The following DGKB variants were observed in gnomAD, a reference collection of about 807,000 sequenced individuals.
The protein encoded by DGKB is diacylglycerol kinase beta, also known as 90 kDa diacylglycerol kinase.
A neutral mutation model predicts 114.3 loss-of-function variants in DGKB; 67 were observed. The observed-to-expected ratio is 0.59, with a 90% confidence interval of 0.48 to 0.72. The LOEUF is 0.72. DGKB is among the 30% of genes least tolerant of loss of function. The pLI is 0.00. For synonymous variants in DGKB, 398 were observed against 323.1 expected, an observed-to-expected ratio of 1.23 and a Z score of -2.49; for missense variants, 907 against 975.2, an observed-to-expected ratio of 0.93 and a Z score of 0.93.
chr7:14,719,186 C>T (rs1370666026), intron 5 of DGKB, among the ~76,000 whole-genome samples: 1 of 152,098 alleles, frequency 6.6e-6, no homozygotes, highest in East Asian at 1.9e-4. Context: ...ATGAAGAAGA[C>T]ATCCTTTTTT....
chr7:14,860,162 C>T (rs899613149), intron 1 of DGKB, among the ~76,000 whole-genome samples: 5 of 152,046 alleles, frequency 3.3e-5, no homozygotes, highest in Admixed American at 1.3e-4. Flanking sequence ...TCAATACTGT[C>T]TTTGACTAAA....
chr7:14,932,641 G>C (rs569692477), intron 1 of DGKB, among the ~76,000 whole-genome samples: 1 of 152,262 alleles, frequency 6.6e-6, no homozygotes, highest in South Asian at 2.1e-4. Flanking sequence ...CATCATGCTA[G>C]GAATTTCAAA....
At chr7:14,606,111 G>A (rs1804458298) in intron 17 of DGKB, among the ~76,000 whole-genome samples, 4 of 152,224 alleles carry the variant, frequency 2.6e-5, no homozygotes, top group Admixed American at 6.5e-5. Flanking sequence ...TCAAAGAAGA[G>A]CTACTTTTTT....
intron 21 of DGKB, among the ~76,000 whole-genome samples, chr7:14,373,526 C>G (rs988594127): frequency 2.6e-5 from 4 of 152,146 alleles, no homozygotes; most frequent in Admixed American, 2.6e-4. Context: ...AAATGCTAGT[C>G]TCATCAAAGC....
At chr7:14,801,885 T>C (rs1842197944) in intron 2 of DGKB, among the ~76,000 whole-genome samples, 1 of 150,452 alleles carries the variant, frequency 6.6e-6, no homozygotes, top group Non-Finnish European at 1.5e-5. Context: ...TATGTGTGTG[T>C]GTATATATAT....
chr7:14,419,927 C>T (rs1192465640), intron 21 of DGKB, among the ~76,000 whole-genome samples: 1 of 151,950 alleles, frequency 6.6e-6, no homozygotes, highest in Non-Finnish European at 1.5e-5. Context: ...TTGTGTCTGG[C>T]TGGTATTTGG....
intron 21 of DGKB, among the ~76,000 whole-genome samples, chr7:14,374,303 G>C (rs1026353123): frequency 2.6e-5 from 4 of 152,058 alleles, no homozygotes; most frequent in African/African-American, 9.7e-5. Flanking sequence ...CGATGAAGTG[G>C]ACCTGACAGC....
intron 14 of DGKB, among the ~76,000 whole-genome samples, chr7:14,629,080 T>C (rs1325408971): frequency 6.6e-6 from 1 of 152,026 alleles, no homozygotes; most frequent in Non-Finnish European, 1.5e-5. Flanking sequence ...GCAATGCCTA[T>C]ATTTGCTTGA....
intron 13 of DGKB, among the ~76,000 whole-genome samples, chr7:14,635,705 G>A (rs1353201257): frequency 6.6e-6 from 1 of 151,478 alleles, no homozygotes; most frequent in Admixed American, 6.6e-5. Flanking sequence ...ATGTGATTAT[G>A]TTTGTGTATG....
intron 10 of DGKB, 125 bp downstream of exon 10, chr7:14,685,120 T>TA (rs1821454357): frequency 3.8e-6 from 2 of 519,526 alleles, no homozygotes; most frequent in Non-Finnish European, 6.6e-6. Flanking sequence ...CAGGAAAATA[T>TA]AAATCACATG....
At chr7:14,512,363 T>C (rs931469367) in intron 20 of DGKB, among the ~76,000 whole-genome samples, 2 of 152,196 alleles carry the variant, frequency 1.3e-5, no homozygotes, top group African/African-American at 2.4e-5. Context: ...TAATAAGTTA[T>C]ACATAATCAA....
chr7:14,524,132 T>C (rs1056929037), intron 20 of DGKB, among the ~76,000 whole-genome samples: 2 of 152,192 alleles, frequency 1.3e-5, no homozygotes, highest in African/African-American at 4.8e-5. Flanking sequence ...TTGTCTAATG[T>C]TTGTATTTTA....
chr7:14,339,208 TA>T lies in DGKB; in HGVS notation c.1927-499del, dbSNP rs35265569. Among the ~76,000 whole-genome samples, 1,378 of 141,924 alleles carry T rather than the reference TA, an allele frequency of 9.7e-3. 17 individuals carry two copies. The highest frequency in any genetic ancestry group is 0.031 in the African/African-American group (1,170 of 38,306). 93.1% of individuals were successfully genotyped at this position (141,924 alleles called of 152,430 possible). ...AAGAAGTAGCTTAAAAGACTTTTGC[TA>T]AAAAAAAAAAAAGTAAAATTCAAAG... On this transcript the variant is annotated intron_variant, in intron 22 of 25. Transcript: ENST00000402815.
At chr7:14,652,844 T>G (rs1231360294) in intron 13 of DGKB, among the ~76,000 whole-genome samples, 30 of 151,868 alleles carry the variant, frequency 2.0e-4, no homozygotes, top group Non-Finnish European at 1.9e-4. Context: ...GTGGGCAAAG[T>G]ATATGAACAG....
chr7:14,322,336 T>G (rs867218450), intron 23 of DGKB, among the ~76,000 whole-genome samples: 1 of 152,160 alleles, frequency 6.6e-6, no homozygotes, highest in South Asian at 2.1e-4. Flanking sequence ...CAGAAATAAA[T>G]AAACTCATAA....
intron 20 of DGKB, among the ~76,000 whole-genome samples, chr7:14,567,273 AATTAT>A (rs1384415000): frequency 2.1e-5 from 1 of 47,824 alleles, no homozygotes; most frequent in Non-Finnish European, 3.6e-5. Flanking sequence ...TTATATATAT[AATTAT>A]ATTATATATA....
At chr7:14,152,532 T>C (rs929936198) in intron 25 of DGKB, among the ~76,000 whole-genome samples, 4 of 152,022 alleles carry the variant, frequency 2.6e-5, no homozygotes, top group Non-Finnish European at 2.9e-5. Context: ...CTTCTCCTTA[T>C]CATGTACCCT....
At chr7:14,735,967 C>G in intron 5 of DGKB, 74 bp downstream of exon 5, 1 of 907,920 alleles carries the variant, frequency 1.1e-6, no homozygotes, top group Non-Finnish European at 1.6e-6. Context: ...CATCATTCAT[C>G]TTTTATGATA....
At chr7:14,591,341 G>A (rs1035998521) in intron 17 of DGKB, among the ~76,000 whole-genome samples, 1 of 152,052 alleles carries the variant, frequency 6.6e-6, no homozygotes, top group Non-Finnish European at 1.5e-5. Flanking sequence ...TCATGCTTGG[G>A]TCCTGAATTT....
Sources: gnomAD v4.1 joint callset for allele counts (sites outside exome capture counted in the v4.1 genomes callset) on GRCh38, gnomAD v4.1.1 for gene constraint, MANE v1.5 for transcripts, NCBI Gene and HGNC (gene_info 2026-07-23, HGNC 2026-07-21) for gene names.